The following MAD1L1 variants were observed in gnomAD, a reference collection of about 807,000 sequenced individuals.
The protein encoded by MAD1L1 is mitotic spindle assembly checkpoint protein MAD1.
Under a neutral mutation model 96.9 loss-of-function variants are expected in MAD1L1, and 95 were observed. The observed-to-expected ratio is 0.98, with a 90% CI of 0.83 to 1.16. The LOEUF (loss-of-function observed/expected upper bound fraction) is 1.16. Among genes scored for constraint, MAD1L1 ranks in the 50% most tolerant of loss-of-function variants. MAD1L1 has a pLI of 0.00. For synonymous variants in MAD1L1, 473 were observed against 396.6 expected, an observed-to-expected ratio of 1.19 and a Z score of -2.29; for missense variants, 1,007 against 954.4, an observed-to-expected ratio of 1.06 and a Z score of -0.73.
chr7:1,873,610 G>A (rs1785224030), intron 18 of MAD1L1, among the ~76,000 whole-genome samples: 1 of 152,036 alleles, frequency 6.6e-6, no homozygotes, highest in Non-Finnish European at 1.5e-5. Context: ...GTGGATGGAG[G>A]GGTAGTGGGA....
intron 18 of MAD1L1, chr7:1,874,569 G>A (rs1338343036): frequency 8.8e-6 from 4 of 454,260 alleles, no homozygotes; most frequent in Non-Finnish European, 1.3e-5. Context: ...TAAAAGCGCT[G>A]TTGAGTGGCT....
rs13310145 is a variant in MAD1L1, at chr7:1,996,300, G to A, written c.1416+5765C>T. ...CCGGGTCTACACACGGCTGCTGGGC[G>A]GGCAGGGTCCCCCCGGGTCTACACA... On this transcript the variant is annotated intron_variant, in intron 14 of 18. Transcript: ENST00000265854. 3.1e-4 allele frequency among the ~76,000 whole-genome samples: 37 copies of A among 119,516 alleles called. 1 individual carries two copies. The highest frequency in any genetic ancestry group is 3.6e-4 in the Non-Finnish European group (20 of 55,756). 78.4% of individuals were successfully genotyped at this position (119,516 alleles called of 152,430 possible). A position where few individuals can be genotyped will look rare whatever the true frequency, so the allele number is the denominator to read the frequency against.
chr7:1,895,031 C>T (rs60587725), intron 18 of MAD1L1, among the ~76,000 whole-genome samples: 13 of 152,154 alleles, frequency 8.5e-5, no homozygotes, highest in African/African-American at 2.4e-4. Flanking sequence ...CAAGGTGGCA[C>T]GTGTCCTAGG....
chr7:1,936,995 G>T, intron 16 of MAD1L1, 98 bp from the exon 17 acceptor site: 1 of 940,648 alleles, frequency 1.1e-6, no homozygotes, highest in Non-Finnish European at 1.6e-6. Flanking sequence ...AAGACACACA[G>T]CACGGGTCAC....
chr7:2,053,848 T>G (rs1784284989), intron 12 of MAD1L1, among the ~76,000 whole-genome samples: 2 of 152,238 alleles, frequency 1.3e-5, no homozygotes, highest in South Asian at 4.1e-4. Context: ...AAAGTAGACC[T>G]GGCTTCCACA....
intron 10 of MAD1L1, among the ~76,000 whole-genome samples, chr7:2,210,485 TTCCCGTGGACTCTCTAGGAGCCGTATTC>T (rs1792872854): frequency 2.1e-5 from 2 of 93,778 alleles, no homozygotes; most frequent in African/African-American, 5.7e-5. Context: ...CCAGCCCGCA[TTCCCGTGGACTCTCTAGGAGCCGTATTC>T]GGGACCGCCA....
chr7:1,986,359 GT>G (rs1781141333), intron 14 of MAD1L1, among the ~76,000 whole-genome samples: 1 of 151,660 alleles, frequency 6.6e-6, no homozygotes, highest in South Asian at 2.1e-4. Context: ...CCACACGCCA[GT>G]CCAGCTTGGA....
chr7:2,111,152 G>A (rs187429414), intron 11 of MAD1L1, among the ~76,000 whole-genome samples: 1 of 152,318 alleles, frequency 6.6e-6, no homozygotes, highest in Admixed American at 6.5e-5. Context: ...CAGGGAGAGA[G>A]GAGGAGCACA....
At chr7:2,197,859 C>T (rs140432046) in intron 10 of MAD1L1, among the ~76,000 whole-genome samples, 3 of 152,252 alleles carry the variant, frequency 2.0e-5, no homozygotes, top group Admixed American at 6.5e-5. Context: ...AGTTCACAAC[C>T]CCTCCCTGCC....
At chr7:1,902,706 A>G (rs1449594903) in intron 17 of MAD1L1, among the ~76,000 whole-genome samples, 1 of 152,256 alleles carries the variant, frequency 6.6e-6, no homozygotes, top group Non-Finnish European at 1.5e-5. Context: ...GCCTCGCTGT[A>G]CGTCCTGCAG....
At chr7:2,120,519 C>A (rs1356507783) in intron 11 of MAD1L1, among the ~76,000 whole-genome samples, 3 of 152,212 alleles carry the variant, frequency 2.0e-5, no homozygotes, top group Non-Finnish European at 4.4e-5. Context: ...AGTGCAGGAA[C>A]CAAGCGGAAG....
At chr7:1,967,630 G>A (rs558031667) in intron 15 of MAD1L1, among the ~76,000 whole-genome samples, 81 of 152,278 alleles carry the variant, frequency 5.3e-4, no homozygotes, top group Non-Finnish European at 1.1e-3. Flanking sequence ...AGAAGGCTCC[G>A]GGCTCCCTGG....
At chr7:2,040,109 G>A (rs2056477) in intron 12 of MAD1L1, among the ~76,000 whole-genome samples, 17,246 of 152,048 alleles carry the variant, frequency 0.11, 2,327 homozygotes, top group African/African-American at 0.33. Flanking sequence ...AGAGATAAAG[G>A]CTGTAAAGGA....
At chr7:2,018,604 G>A (rs1782646666) in intron 12 of MAD1L1, among the ~76,000 whole-genome samples, 2 of 152,186 alleles carry the variant, frequency 1.3e-5, no homozygotes, top group Admixed American at 1.3e-4. Flanking sequence ...AGCCTGAAGG[G>A]GCTGTGTGAG....
At chr7:2,167,741 A>G (rs1048634623) in intron 10 of MAD1L1, among the ~76,000 whole-genome samples, 6 of 150,826 alleles carry the variant, frequency 4.0e-5, no homozygotes, top group African/African-American at 1.5e-4. Context: ...AAAAAAAAAA[A>G]CACAATATTT....
intron 14 of MAD1L1, among the ~76,000 whole-genome samples, chr7:1,998,005 G>A (rs1464532844): frequency 6.6e-6 from 1 of 152,224 alleles, no homozygotes; most frequent in Non-Finnish European, 1.5e-5. Context: ...AAATGCTGCA[G>A]CTTGGGGCCC....
chr7:1,850,635 C>G (rs1783919626), intron 18 of MAD1L1, among the ~76,000 whole-genome samples: 1 of 152,166 alleles, frequency 6.6e-6, no homozygotes, highest in South Asian at 2.1e-4. Flanking sequence ...GGACCCAGGT[C>G]CGGGGACCCC....
chr7:1,858,617 G>A (rs576220471), intron 18 of MAD1L1, among the ~76,000 whole-genome samples: 1 of 152,320 alleles, frequency 6.6e-6, no homozygotes, highest in East Asian at 1.9e-4. Context: ...CTACCTGGCG[G>A]GGCTGCTAGG....
intron 18 of MAD1L1, among the ~76,000 whole-genome samples, chr7:1,826,225 C>G (rs1049593420): frequency 1.3e-5 from 2 of 152,140 alleles, no homozygotes; most frequent in African/African-American, 2.4e-5. Context: ...ATCCACGGCC[C>G]GAAGGTGATC....
Sources: allele counts gnomAD v4.1 joint callset (sites outside exome capture counted in the v4.1 genomes callset), GRCh38; gene constraint gnomAD v4.1.1; transcripts MANE v1.5; gene names NCBI Gene and HGNC (gene_info 2026-07-23, HGNC 2026-07-21).